Variants in DNAH9 observed in about 807,000 individuals in gnomAD.
DNAH9 encodes the protein dynein axonemal heavy chain 9, also known as DNAH9 variant protein.
A neutral mutation model predicts 471.6 loss-of-function variants in DNAH9; 345 were observed. The observed-to-expected ratio is 0.73, with a 90% confidence interval of 0.67 to 0.80. The LOEUF is 0.80. DNAH9 is among the 30% of genes least tolerant of loss of function. DNAH9 has a pLI of 0.00. For missense variants in DNAH9, 5,407 were observed against 5,609.2 expected, an observed-to-expected ratio of 0.96 and a Z score of 1.15; for synonymous variants, 2,093 against 2,123.6, an observed-to-expected ratio of 0.99 and a Z score of 0.40.
At chr17:11,907,458 G>GAAA (rs58982882) in intron 61 of DNAH9, among the ~76,000 whole-genome samples, 5 of 142,642 alleles carry the variant, frequency 3.5e-5, no homozygotes, top group African/African-American at 5.2e-5. Context: ...CAACAAGAGT[G>GAAA]AAAAAAAAAA....
intron 50 of DNAH9, among the ~76,000 whole-genome samples, chr17:11,865,520 G>A (rs1288569091): frequency 8.6e-5 from 13 of 151,250 alleles, no homozygotes; most frequent in South Asian, 2.1e-4. Flanking sequence ...TTCTCGAGGC[G>A]TATCTTTGTG....
At chr17:11,963,604 A>G (rs1248204131) in intron 68 of DNAH9, among the ~76,000 whole-genome samples, 1 of 152,180 alleles carries the variant, frequency 6.6e-6, no homozygotes, top group East Asian at 1.9e-4. Context: ...TCAGCATCAT[A>G]CAATATTCCC....
chr17:11,686,805 C>A (rs1353091090), intron 19 of DNAH9, among the ~76,000 whole-genome samples: 1 of 152,172 alleles, frequency 6.6e-6, no homozygotes, highest in Non-Finnish European at 1.5e-5. Context: ...ATGTGCACCC[C>A]AAATAGCTCC....
At chr17:11,825,377 C>A (rs752362999) in intron 48 of DNAH9, among the ~76,000 whole-genome samples, 2 of 152,186 alleles carry the variant, frequency 1.3e-5, no homozygotes, top group Non-Finnish European at 2.9e-5. Flanking sequence ...TGTTCTCCCT[C>A]CTATCTATTT....
rs762167953 is a variant in DNAH9, at chr17:11,689,879, T to C, written c.4057T>C (p.Trp1353Arg). ...IRNLDKEVRA[W>R]DAFTGLESTV... ...AAACCTGGACAAGGAGGTCAGGGCC[T>C]GGGATGCATTCACAGGCCTGGAAAG... The change falls in exon 20 of 69, where the codon TGG becomes CGG. Residue 1353 changes from tryptophan (W) to arginine (R), a missense_variant. This residue lies in a region of DNAH9 where 4,636 missense variants were observed against 4,900.3 expected (regional missense o/e 0.95). Coordinates refer to ENST00000262442, the MANE Select transcript of DNAH9 (RefSeq NM_001372.4). 7 of 1,608,700 alleles carry C rather than the reference T, an allele frequency of 4.4e-6. No individual in the cohort carries two copies. In the South Asian group the frequency reaches 7.7e-5, roughly 18 times the overall value.
intron 50 of DNAH9, among the ~76,000 whole-genome samples, chr17:11,861,674 T>G (rs894137615): frequency 6.6e-6 from 1 of 152,006 alleles, no homozygotes; most frequent in African/African-American, 2.4e-5. Context: ...CTCCACATCT[T>G]CTCCAGCACC....
At chr17:11,632,511 G>T (rs898619258) in intron 7 of DNAH9, 76 bp from the exon 8 acceptor site, 5 of 730,550 alleles carry the variant, frequency 6.8e-6, no homozygotes. Context: ...AAACACAAAA[G>T]TTAGCTGTGA....
At position 11,631,028 on chromosome 17, in the gene DNAH9, G is replaced by C. The variant is rs550753353; in HGVS notation, c.1518+1444G>C. On this transcript the variant is annotated intron_variant, in intron 7 of 68. Transcript: ENST00000262442. ...CTGGACAGAATTTTATTAGTGACTT[G>C]GGGAGGTATAAGTGAAGCCACAGCC... is the stretch of plus-strand genomic sequence containing the variant. Among the ~76,000 whole-genome samples, 3 of 152,262 alleles carry C rather than the reference G, an allele frequency of 2.0e-5. No individual in the cohort carries two copies. In the South Asian group the frequency reaches 6.2e-4, roughly 32 times the overall value.
At chr17:11,712,500 G>C (rs1451278384) in intron 26 of DNAH9, among the ~76,000 whole-genome samples, 1 of 152,004 alleles carries the variant, frequency 6.6e-6, no homozygotes, top group Non-Finnish European at 1.5e-5. Context: ...CTGATAAGCT[G>C]TTTTCTAAAG....
At chr17:11,946,663 C>CAAAAAAAAAAAA (rs754149437) in intron 67 of DNAH9, among the ~76,000 whole-genome samples, 2 of 67,940 alleles carry the variant, frequency 2.9e-5, no homozygotes, top group African/African-American at 6.3e-5. Context: ...GACTCCATCT[C>CAAAAAAAAAAAA]AAAAAAAAAA....
intron 49 of DNAH9, among the ~76,000 whole-genome samples, chr17:11,839,856 T>C (rs1012921149): frequency 2.6e-5 from 4 of 152,224 alleles, no homozygotes; most frequent in East Asian, 3.9e-4. Flanking sequence ...TATTTATGTA[T>C]GTACAGTGAG....
chr17:11,924,101 A>G (rs574378147), intron 62 of DNAH9, among the ~76,000 whole-genome samples, 160 bp downstream of exon 62: 1 of 152,034 alleles, frequency 6.6e-6, no homozygotes, highest in East Asian at 1.9e-4. Context: ...CTCCTCACTC[A>G]TATGTTCTCT....
chr17:11,968,153 A>G (rs890326145), intron 68 of DNAH9, among the ~76,000 whole-genome samples: 4 of 152,200 alleles, frequency 2.6e-5, no homozygotes, highest in African/African-American at 9.7e-5. Context: ...CACACCAAAA[A>G]CCACTAAATT....
chr17:11,863,260 C>A (rs1971924331), intron 50 of DNAH9, among the ~76,000 whole-genome samples: 1 of 152,154 alleles, frequency 6.6e-6, no homozygotes, highest in South Asian at 2.1e-4. Flanking sequence ...AAGGCCTTTT[C>A]TGCATCTATT....
In DNAH9 at chr17:11,738,203, T is replaced by C. The variant is rs184588218; in HGVS notation, c.5815-677T>C. ...TGCCCCCCTCCAAGCATGGTGAAGC[T>C]CAAATGAGTTAATACATGAGAAGTG... On this transcript the variant is annotated intron_variant, in intron 28 of 68. Coordinates refer to ENST00000262442, the MANE Select transcript of DNAH9 (RefSeq NM_001372.4). Among the ~76,000 whole-genome samples, 500 of 152,254 alleles carry C rather than the reference T, an allele frequency of 3.3e-3. 3 individuals carry two copies. Among genetic ancestry groups the C allele is most frequent in the Middle Eastern group, 0.024 (7 of 294 alleles).
intron 67 of DNAH9, among the ~76,000 whole-genome samples, chr17:11,952,244 A>T (rs1443991289): frequency 6.9e-6 from 1 of 145,892 alleles, no homozygotes; most frequent in Non-Finnish European, 1.5e-5. Context: ...GGTTCAAGCA[A>T]TTCTTGTGCC....
chr17:11,694,984 G>A (rs2074448637), intron 22 of DNAH9, among the ~76,000 whole-genome samples: 1 of 150,222 alleles, frequency 6.7e-6, no homozygotes, highest in Non-Finnish European at 1.5e-5. Flanking sequence ...CGCCTCCTGG[G>A]TTCAAGCCAT....
rs899968081 is a variant in DNAH9 at position 11,653,087 on chromosome 17, C to T, written c.2595+85C>T. Reference sequence around the variant, plus strand: ...TGTTTGGATGAATAAGTGATTAGGACAGTCAGTAAGTGCAGTGTCTTCCGA... The same window carrying T: ...TGTTTGGATGAATAAGTGATTAGGATAGTCAGTAAGTGCAGTGTCTTCCGA... On this transcript the variant is annotated intron_variant, in intron 14 of 68. Transcript: ENST00000262442. The T allele has an allele frequency of 5.6e-6, 8 of 1,433,422 alleles. No individual in the cohort carries two copies. In the East Asian group the frequency reaches 1.4e-4, roughly 25 times the overall value. The allele number at this position is 1,433,422 out of a possible 1,614,324, so 88.8% of individuals were successfully genotyped here.
At chr17:11,889,914 G>A (rs1262028352) in intron 57 of DNAH9, among the ~76,000 whole-genome samples, 2 of 152,222 alleles carry the variant, frequency 1.3e-5, no homozygotes, top group African/African-American at 4.8e-5. Context: ...TGCTGTGGAA[G>A]TGGGATCAGG....
Sources: allele counts gnomAD v4.1 joint callset (sites outside exome capture counted in the v4.1 genomes callset), GRCh38; gene constraint gnomAD v4.1.1; regional missense constraint gnomAD v4.1.1; transcripts MANE v1.5; gene names NCBI Gene and HGNC (gene_info 2026-07-23, HGNC 2026-07-21).